ULK4: variants seen among roughly 807,000 people sequenced by gnomAD.
ULK4 encodes the protein unc-51 like kinase 4.
ULK4 carries 133 observed loss-of-function variants against 160.6 expected under a neutral mutation model. The observed-to-expected ratio is 0.83, with a 90% CI of 0.72 to 0.96. The LOEUF (loss-of-function observed/expected upper bound fraction) is 0.96. ULK4 is among the 40% of genes least tolerant of loss of function. The pLI is 0.00. For missense variants in ULK4, 1,580 were observed against 1,499.5 expected, an observed-to-expected ratio of 1.05 and a Z score of -0.89; for synonymous variants, 534 against 539.8, an observed-to-expected ratio of 0.99 and a Z score of 0.15.
At chr3:41,252,228 T>C (rs533711610) in intron 35 of ULK4, among the ~76,000 whole-genome samples, 1 of 152,262 alleles carries the variant, frequency 6.6e-6, no homozygotes, top group East Asian at 1.9e-4. Flanking sequence ...ATGACCAGGA[T>C]ACAATTCAAA....
At chr3:41,300,107 T>G (rs1015352803) in intron 35 of ULK4, among the ~76,000 whole-genome samples, 6 of 152,166 alleles carry the variant, frequency 3.9e-5, no homozygotes, top group Admixed American at 6.5e-5. Context: ...AGCACTAGAT[T>G]TATTTTTAGG....
chr3:41,768,118 G>T (rs149576964), intron 21 of ULK4, among the ~76,000 whole-genome samples: 1 of 152,256 alleles, frequency 6.6e-6, no homozygotes, highest in East Asian at 1.9e-4. Context: ...CACTCCTTAT[G>T]AGAATGTAAT....
chr3:41,698,899 C>A (rs567196350), intron 27 of ULK4, among the ~76,000 whole-genome samples: 88 of 152,094 alleles, frequency 5.8e-4, no homozygotes, highest in Middle Eastern at 3.4e-3. Flanking sequence ...CATGGTATTT[C>A]GTATTTGTTA....
At chr3:41,567,165 T>C (rs534442902) in intron 31 of ULK4, among the ~76,000 whole-genome samples, 1 of 152,346 alleles carries the variant, frequency 6.6e-6, no homozygotes, top group East Asian at 1.9e-4. Flanking sequence ...TATGGTTTGC[T>C]GTTGGGTTGT....
intron 32 of ULK4, among the ~76,000 whole-genome samples, chr3:41,495,084 C>G (rs953397035): frequency 1.3e-5 from 2 of 152,108 alleles, no homozygotes; most frequent in Non-Finnish European, 2.9e-5. Flanking sequence ...AAACAACTTT[C>G]AAGTTCATAT....
chr3:41,490,057 A>C (rs2084692951), intron 32 of ULK4, among the ~76,000 whole-genome samples: 1 of 152,154 alleles, frequency 6.6e-6, no homozygotes, highest in African/African-American at 2.4e-5. Context: ...CACAGCTGTT[A>C]CTCAGTCCTG....
intron 1 of ULK4, 111 bp from the exon 2 acceptor site, chr3:41,954,918 A>G: frequency 1.6e-6 from 1 of 641,688 alleles, no homozygotes; most frequent in East Asian, 3.0e-5. Flanking sequence ...GCAAATCGAC[A>G]AATTCAGAAA....
chr3:41,806,501 T>C (rs1002022672), intron 19 of ULK4, among the ~76,000 whole-genome samples: 1 of 152,166 alleles, frequency 6.6e-6, no homozygotes, highest in South Asian at 2.1e-4. Context: ...CTGCTCTGAT[T>C]TTAGTTATTT....
At chr3:41,849,860 C>T (rs571150037) in intron 17 of ULK4, among the ~76,000 whole-genome samples, 12 of 152,202 alleles carry the variant, frequency 7.9e-5, no homozygotes, top group African/African-American at 1.4e-4. Flanking sequence ...ATGTACACAA[C>T]GTGCAGGTTT....
intron 31 of ULK4, among the ~76,000 whole-genome samples, chr3:41,600,816 C>T (rs1408581244): frequency 1.3e-5 from 2 of 152,210 alleles, no homozygotes; most frequent in African/African-American, 4.8e-5. Context: ...AACCAGCTGA[C>T]TGAATTTAGC....
intron 17 of ULK4, among the ~76,000 whole-genome samples, chr3:41,870,320 G>A (rs533372942): frequency 6.6e-6 from 1 of 152,250 alleles, no homozygotes; most frequent in East Asian, 1.9e-4. Flanking sequence ...CTCCTTCTGA[G>A]AGTCAAATCA....
chr3:41,363,916 C>T (rs1255696068), intron 35 of ULK4, among the ~76,000 whole-genome samples: 1 of 148,772 alleles, frequency 6.7e-6, no homozygotes, highest in Non-Finnish European at 1.5e-5. Flanking sequence ...TTGAACCCTC[C>T]ATCCAAATTC....
At chr3:41,268,789 G>A (rs1294996618) in intron 35 of ULK4, among the ~76,000 whole-genome samples, 1 of 123,972 alleles carries the variant, frequency 8.1e-6, no homozygotes, top group East Asian at 2.4e-4. Flanking sequence ...GGGTGACAGA[G>A]CAAGACTCCG....
chr3:41,498,561 C>T (rs12639280), intron 32 of ULK4, among the ~76,000 whole-genome samples: 137,720 of 150,838 alleles, frequency 0.91, 63,263 homozygotes, highest in Middle Eastern at 0.96. Context: ...CATTAGAGAG[C>T]TTCTTCTTTT....
chr3:41,424,380 A>AT (rs1277751591), intron 34 of ULK4, among the ~76,000 whole-genome samples: 2 of 152,122 alleles, frequency 1.3e-5, no homozygotes, highest in Non-Finnish European at 2.9e-5. Flanking sequence ...GACAAGTGGG[A>AT]TTCCCCCCAG....
chr3:41,619,563 C>T (rs1406657765), intron 30 of ULK4, among the ~76,000 whole-genome samples: 1 of 151,986 alleles, frequency 6.6e-6, no homozygotes, highest in East Asian at 1.9e-4. Context: ...TTATTTGAGA[C>T]CAATGAAAAC....
intron 35 of ULK4, among the ~76,000 whole-genome samples, chr3:41,372,783 C>CATA (rs570298180): frequency 1.3e-5 from 2 of 152,184 alleles, no homozygotes; most frequent in Non-Finnish European, 2.9e-5. Context: ...CAAATTCACA[C>CATA]ATAAAAATAT....
intron 34 of ULK4, among the ~76,000 whole-genome samples, chr3:41,453,599 A>C (rs2083471468): frequency 6.6e-6 from 1 of 152,230 alleles, no homozygotes. Flanking sequence ...ACAGATGAAG[A>C]AACTGTGGCA....
At chr3:41,856,518 T>TAC (rs2042341118) in intron 17 of ULK4, among the ~76,000 whole-genome samples, 1 of 119,646 alleles carries the variant, frequency 8.4e-6, no homozygotes, top group South Asian at 2.3e-4. Flanking sequence ...AATAAATATA[T>TAC]ATATATATAT....
Sources: allele counts gnomAD v4.1 joint callset (sites outside exome capture counted in the v4.1 genomes callset), GRCh38; gene constraint gnomAD v4.1.1; transcripts MANE v1.5; gene names NCBI Gene and HGNC (gene_info 2026-07-23, HGNC 2026-07-21).